Variants in ARMCX4 observed in about 807,000 individuals in gnomAD.
ARMCX4 encodes armadillo repeat-containing X-linked protein 4.
A neutral mutation model predicts 34.7 loss-of-function variants in ARMCX4; 3 were observed. That is an observed-to-expected ratio of 0.09 (90% CI 0.04 to 0.22). The LOEUF is 0.22. ARMCX4 is among the 10% of genes least tolerant of loss of function. The pLI, the probability that ARMCX4 is intolerant of heterozygous loss-of-function variation, is 1.00. For missense variants in ARMCX4, 1,448 were observed against 1,720.8 expected, an observed-to-expected ratio of 0.84 and a Z score of 2.81; for synonymous variants, 513 against 632.8, an observed-to-expected ratio of 0.81 and a Z score of 2.84.
At chrX:101,481,562 G>C (rs1252949721), upstream of ARMCX4, among the ~76,000 whole-genome samples, 2 of 111,885 alleles carry the variant, frequency 1.8e-5, no homozygotes, top group Non-Finnish European at 3.8e-5. Context: ...GTGCATGAGA[G>C]TGTGGGGAAA....
intron 2 of ARMCX4, among the ~76,000 whole-genome samples, chrX:101,432,739 C>T (rs782074987): frequency 1.4e-5 from 1 of 70,951 alleles, no homozygotes; most frequent in African/African-American, 4.1e-5. Flanking sequence ...CACATATATA[C>T]GTATATATAT....
upstream of ARMCX4, among the ~76,000 whole-genome samples, chrX:101,483,643 G>A (rs1933566905): frequency 9.2e-6 from 1 of 109,178 alleles, no homozygotes; most frequent in South Asian, 3.7e-4. Flanking sequence ...ATCTGTAAGA[G>A]CTTTTAGATT....
chrX:101,489,469 C>A lies in ARMCX4; in HGVS notation c.880C>A (p.Pro294Thr). The A allele has an allele frequency of 2.6e-6, 3 of 1,152,934 alleles. No homozygotes were observed. Among genetic ancestry groups the A allele is most frequent in the Non-Finnish European group, 3.4e-6 (3 of 871,906 alleles). ...GACCAAGATCCAGGGTGATGACATGCCTGGTACTGGGGTTGAGGACATGGG... is the reference window on the plus strand; with the variant it reads ...GACCAAGATCCAGGGTGATGACATGACTGGTACTGGGGTTGAGGACATGGG... ...AVTKIQGDDM[P>T]GTGVEDMGNC... The change falls in exon 6 of 6, where the codon CCT becomes ACT. Residue 294 changes from proline to threonine, a missense_variant. Pro to Thr is a conservative substitution (Grantham distance 38). Around this residue, in one of 2 missense-constraint regions of ARMCX4, gnomAD observed 1,343 missense variants for 1,540.7 expected, o/e 0.87. Transcript: ENST00000423738.
rs1556008922 is a variant in ARMCX4, at chrX:101,491,120, C to T, written c.2531C>T (p.Ala844Val). The change falls in exon 6 of 6, where the codon GCC becomes GTC. Residue 844 changes from alanine (A) to valine (V), a missense_variant. By Grantham distance (64) the Ala-to-Val change is moderately conservative. Coordinates refer to ENST00000423738, the MANE Select transcript of ARMCX4 (RefSeq NM_001256155.3). ...ANSQGEVLPG[A>V]KNKVKGNPNV... ...TCCCAGGGTGAAGTCTTGCCTGGTG[C>T]CAAGAATAAGGTCAAGGGCAATCCC... 19 of 1,156,406 alleles carry T rather than the reference C, an allele frequency of 1.6e-5. No homozygotes were observed. The highest frequency in any genetic ancestry group is 2.3e-4 in the Middle Eastern group (1 of 4,306).
At chrX:101,530,912 C>T (rs184943692) in intron 11 of ARMCX4, among the ~76,000 whole-genome samples, 2 of 112,050 alleles carry the variant, frequency 1.8e-5, no homozygotes, top group Non-Finnish European at 3.8e-5. Flanking sequence ...CTCTTTTGTT[C>T]TTTAAAAATA....
rs1037292640 is a variant in ARMCX4, at chrX:101,456,107, A to C, written c.-473+10063A>C. Among the ~76,000 whole-genome samples, 4 of 111,752 alleles carry C rather than the reference A, an allele frequency of 3.6e-5. No individual in the cohort carries two copies. The Admixed American group carries it at 3.8e-4, about 11-fold the overall frequency. On this transcript the variant is annotated intron_variant and NMD_transcript_variant, in intron 4 of 15. Transcript: ENST00000433011. Reference sequence around the variant, plus strand: ...GGTTGATTCCATGTCTGCTATTGTGAATAGTGCTGCAATGAACATATGGGT... The same window carrying C: ...GGTTGATTCCATGTCTGCTATTGTGCATAGTGCTGCAATGAACATATGGGT...
intron 2 of ARMCX4, among the ~76,000 whole-genome samples, chrX:101,421,203 C>CAA (rs545262345): frequency 0.15 from 5,922 of 38,972 alleles, 612 homozygotes; most frequent in African/African-American, 0.32. Flanking sequence ...AACTCTGTCT[C>CAA]AAAAAAAAAA....
chrX:101,487,386 C>A (rs1265911781), intron 3 of ARMCX4, 114 bp downstream of exon 3: 1 of 187,290 alleles, frequency 5.3e-6, no homozygotes, highest in African/African-American at 3.2e-5. Flanking sequence ...TGCTGCCATG[C>A]CTCCTGTGGA....
chrX:101,464,547 A>C (rs1313690491), intron 4 of ARMCX4, among the ~76,000 whole-genome samples: 1 of 111,362 alleles, frequency 9.0e-6, no homozygotes, highest in African/African-American at 3.3e-5. Flanking sequence ...AGTTATACCT[A>C]TAAAATAAGT....
intron 11 of ARMCX4, among the ~76,000 whole-genome samples, chrX:101,528,195 A>C (rs2147724377): frequency 8.9e-6 from 1 of 111,997 alleles, no homozygotes; most frequent in Admixed American, 9.5e-5. Flanking sequence ...AAATCAATAA[A>C]CGTAATCCAT....
At chrX:101,531,775 C>T in exon 12 of ARMCX4, 1 of 111,794 alleles carries the variant, frequency 8.9e-6, no homozygotes, top group South Asian at 3.8e-4. Context: ...TTATAAGACA[C>T]CATTCCTTAG....
intron 4 of ARMCX4, among the ~76,000 whole-genome samples, chrX:101,477,430 C>CAAAAAAAAAAAAAAA (rs1156582627): frequency 8.0e-5 from 1 of 12,494 alleles, no homozygotes; most frequent in African/African-American, 3.0e-4. Context: ...GACTCTGTCT[C>CAAAAAAAAAAAAAAA]AAAAAAAAAA....
chrX:101,516,994 C>G (rs782402879), intron 11 of ARMCX4: 1 of 112,103 alleles, frequency 8.9e-6, no homozygotes, highest in African/African-American at 3.2e-5. Context: ...TGCCACCAGC[C>G]TGGATAGTTG....
chrX:101,523,477 T>A lies in ARMCX4; in HGVS notation c.*1781-8167T>A, dbSNP rs146141084. Among the ~76,000 whole-genome samples the A allele has an allele frequency of 2.7e-4, 30 of 112,368 alleles. 3 individuals are homozygous for A. The East Asian group carries it at 5.6e-3, about 21-fold the overall frequency. ...GGCTAAAGGATGCTTAAGCACAACCTTTAACTAATAAATAGCTTATGCCAA... is the reference window on the plus strand; with the variant it reads ...GGCTAAAGGATGCTTAAGCACAACCATTAACTAATAAATAGCTTATGCCAA... On this transcript the variant is annotated intron_variant and NMD_transcript_variant, in intron 11 of 12. Coordinates refer to the ARMCX4 transcript ENST00000354842.
rs138956955 is a variant in ARMCX4, at chrX:101,444,048, C to T, written n.165-4C>T. 2,318 of 361,573 alleles carry T rather than the reference C, an allele frequency of 6.4e-3. 55 individuals are homozygous for T. Among genetic ancestry groups the T allele is most frequent in the African/African-American group, 0.055 (2,120 of 38,461 alleles). The allele number at this position is 361,573 out of a possible 1,213,427, so 29.8% of individuals were successfully genotyped here. A position where few individuals can be genotyped will look rare whatever the true frequency, so the allele number is the denominator to read the frequency against. On this transcript the variant is annotated splice_polypyrimidine_tract_variant and splice_region_variant and intron_variant and non_coding_transcript_variant, in intron 2 of 3. Transcript: ENST00000430461. ...ACCCTTATAACTAAATTATTTCTCT[C>T]CAGTGCTCAGAGCATGAAAATTTTC...
chrX:101,437,783 C>T (rs1393134004), intron 2 of ARMCX4, among the ~76,000 whole-genome samples: 3 of 111,786 alleles, frequency 2.7e-5, no homozygotes, highest in Non-Finnish European at 5.6e-5. Context: ...GTGGGAATTT[C>T]GTGCTATAAA....
intron 2 of ARMCX4, among the ~76,000 whole-genome samples, chrX:101,434,254 C>CT (rs140569758): frequency 0.46 from 41,421 of 89,155 alleles, 8,728 homozygotes; most frequent in Non-Finnish European, 0.57. Context: ...TTAGAGTATT[C>CT]TTTTTTTTTT....
At position 101,477,163 on chromosome X, in the gene ARMCX4, G is replaced by T. The variant is rs72615579; in HGVS notation, c.-472-8860G>T. 1.2e-4 allele frequency among the ~76,000 whole-genome samples: 13 copies of T among 110,031 alleles called. No individual in the cohort carries two copies. In the East Asian group the frequency reaches 3.7e-3, roughly 31 times the overall value. ...GAGATAAAAATTTTACTTCAGGCCGGGCATGGTGGCTCACGCCTGTAACCC... is the reference window on the plus strand; with the variant it reads ...GAGATAAAAATTTTACTTCAGGCCGTGCATGGTGGCTCACGCCTGTAACCC... On this transcript the variant is annotated intron_variant and NMD_transcript_variant, in intron 4 of 15. Coordinates refer to the ARMCX4 transcript ENST00000433011.
Position 101,490,216 on chromosome X carries a change from G to T in ARMCX4, c.1627G>T (p.Asp543Tyr). The stretch of plus-strand genomic sequence containing the variant: ...CAAGTGTAAGACAGGGCCTGGGATG[G>T]ACATGAAAACCTGTACACAACCTCA... The part of the protein sequence containing the change: ...KAKCKTGPGM[D>Y]MKTCTQPQAG... The change falls in exon 6 of 6, where the codon GAC (aspartate) becomes TAC (tyrosine). Residue 543 changes from aspartate (D) to tyrosine (Y), a missense_variant. This residue lies in a region of ARMCX4 where 1,343 missense variants were observed against 1,540.7 expected (regional missense o/e 0.87). Coordinates refer to ENST00000423738, the MANE Select transcript of ARMCX4 (RefSeq NM_001256155.3). 3.5e-6 allele frequency: 4 copies of T among 1,155,497 alleles called. No homozygotes were observed. Among genetic ancestry groups the T allele is most frequent in the Non-Finnish European group, 4.6e-6 (4 of 872,793 alleles).
Sources: gnomAD v4.1 joint callset for allele counts (sites outside exome capture counted in the v4.1 genomes callset) on GRCh38, gnomAD v4.1.1 for gene constraint, gnomAD v4.1.1 regional missense constraint, MANE v1.5 for transcripts, NCBI Gene and HGNC (gene_info 2026-07-23, HGNC 2026-07-21) for gene names.